Variants in TRHDE observed in about 807,000 individuals in gnomAD.
TRHDE encodes the protein thyrotropin-releasing hormone-degrading ectoenzyme.
Under a neutral mutation model 125.7 loss-of-function variants are expected in TRHDE, and 72 were observed. The ratio of observed to expected loss-of-function variants is 0.57; its 90% CI spans 0.47 to 0.70. TRHDE has a LOEUF of 0.70. Among genes scored for constraint, TRHDE ranks in the 30% least tolerant of loss-of-function variants. The probability of loss-of-function intolerance (pLI) is 0.00; values close to 1 mark genes in which losing one functional copy is unlikely to be tolerated. For synonymous variants in TRHDE, 509 were observed against 509.1 expected, an observed-to-expected ratio of 1.00 and a Z score of 0.00; for missense variants, 1,110 against 1,327.1, an observed-to-expected ratio of 0.84 and a Z score of 2.54.
chr12:72,327,250 C>T lies in TRHDE; in HGVS notation c.1188+40296C>T, dbSNP rs1869382977. The stretch of plus-strand genomic sequence containing the variant: ...TGAGAATGAAGCCCGAGTTAGGGAG[C>T]CTTTTCTTATTTTCCTTTAATTAAC... On this transcript the variant is annotated intron_variant, in intron 2 of 18. Coordinates refer to ENST00000261180, the MANE Select transcript of TRHDE (RefSeq NM_013381.3). Among the ~76,000 whole-genome samples the T allele has an allele frequency of 2.0e-5, 3 of 152,080 alleles. No homozygotes were observed. In the Middle Eastern group the frequency reaches 0.01, roughly 517 times the overall value.
intron 5 of TRHDE, among the ~76,000 whole-genome samples, chr12:72,475,653 A>G (rs1209649456): frequency 6.6e-6 from 1 of 152,202 alleles, no homozygotes; most frequent in Non-Finnish European, 1.5e-5. Flanking sequence ...GAGTGTAAAT[A>G]AGACAACTGA....
chr12:72,430,336 T>TATATAC (rs1491469084), intron 3 of TRHDE, among the ~76,000 whole-genome samples: 74 of 144,440 alleles, frequency 5.1e-4, no homozygotes, highest in East Asian at 3.0e-3. Flanking sequence ...CATATATACA[T>TATATAC]GTATATATAC....
At chr12:72,298,038 G>A (rs1308302262) in intron 2 of TRHDE, among the ~76,000 whole-genome samples, 1 of 152,138 alleles carries the variant, frequency 6.6e-6, no homozygotes, top group Non-Finnish European at 1.5e-5. Context: ...GGCTTATGGT[G>A]GATTCAGTGA....
At chr12:72,553,619 C>G (rs548291470) in intron 7 of TRHDE, among the ~76,000 whole-genome samples, 1 of 152,120 alleles carries the variant, frequency 6.6e-6, no homozygotes, top group Admixed American at 6.5e-5. Context: ...CTTGGAAGAA[C>G]TGTCCAAAAC....
intron 3 of TRHDE, among the ~76,000 whole-genome samples, chr12:72,435,800 A>C (rs1176471030): frequency 1.3e-5 from 2 of 152,066 alleles, no homozygotes; most frequent in African/African-American, 2.4e-5. Context: ...TTTTGAACTA[A>C]TGACCTGATA....
rs201570407 is a variant in TRHDE at position 72,272,893 on chromosome 12, C to T, written c.250C>T (p.Arg84Trp). 1 of 1,579,718 alleles carries T rather than the reference C, an allele frequency of 6.3e-7. No homozygotes were observed. The highest frequency in any genetic ancestry group is 8.5e-7 in the Non-Finnish European group (1 of 1,170,888). Residue 84 changes from arginine (R) to tryptophan (W), a missense_variant, in exon 1 of 19, where the codon CGG (arginine) becomes TGG (tryptophan). Around this residue, in one of 5 missense-constraint regions of TRHDE, gnomAD observed 248 missense variants for 240.8 expected, o/e 1.03. Transcript: ENST00000261180. This position sits in a 1 kb window ranked among gnomAD's most constrained non-coding sequence, Gnocchi z 6.7. ...GGAGCGCCACATCGCCGTACACAAGCGGCTTGTGCTGGCCTTCGCTGTGTC... is the reference window on the plus strand; with the variant it reads ...GGAGCGCCACATCGCCGTACACAAGTGGCTTGTGCTGGCCTTCGCTGTGTC... Reference protein sequence around the residue: ...TTERHIAVHKRLVLAFAVSLV... With the variant: ...TTERHIAVHKWLVLAFAVSLV...
At chr12:72,615,753 A>AT (rs1164118179) in intron 12 of TRHDE, among the ~76,000 whole-genome samples, 1 of 152,098 alleles carries the variant, frequency 6.6e-6, no homozygotes, top group East Asian at 1.9e-4. Context: ...ATTGACCCCA[A>AT]AACACATTTG....
At chr12:72,306,232 A>G (rs915199391) in intron 2 of TRHDE, among the ~76,000 whole-genome samples, 6 of 152,162 alleles carry the variant, frequency 3.9e-5, no homozygotes, top group African/African-American at 1.2e-4. Flanking sequence ...AACGTTTTCT[A>G]TATTTGTGTA....
At chr12:72,224,541 T>G (rs1342226976) in intron 2 of TRHDE, among the ~76,000 whole-genome samples, 1 of 152,120 alleles carries the variant, frequency 6.6e-6, no homozygotes, top group Non-Finnish European at 1.5e-5. Flanking sequence ...GGTCACATGA[T>G]TCCCCAAGGG....
At chr12:72,241,340 G>T (rs1878479382) in intron 2 of TRHDE, among the ~76,000 whole-genome samples, 2 of 152,226 alleles carry the variant, frequency 1.3e-5, no homozygotes, top group Non-Finnish European at 2.9e-5. Context: ...GGGGACTGCT[G>T]ATCTAGTTTT....
At chr12:72,535,693 A>T (rs547826472) in intron 6 of TRHDE, among the ~76,000 whole-genome samples, 3 of 152,056 alleles carry the variant, frequency 2.0e-5, no homozygotes, top group African/African-American at 7.2e-5. Context: ...TATGGAAAAA[A>T]AAAACAGCGA....
intron 5 of TRHDE, among the ~76,000 whole-genome samples, chr12:72,495,408 G>C (rs911336340): frequency 6.6e-6 from 1 of 151,988 alleles, no homozygotes; most frequent in African/African-American, 2.4e-5. Flanking sequence ...AGAATGCAGA[G>C]TGCCTTTCTT....
At chr12:72,537,640 A>G (rs1354294544) in intron 6 of TRHDE, among the ~76,000 whole-genome samples, 2 of 151,972 alleles carry the variant, frequency 1.3e-5, no homozygotes, top group Non-Finnish European at 2.9e-5. Context: ...CAACTTTTCT[A>G]CACCTTTCCA....
At chr12:72,198,180 G>T (rs1166010651) in intron 2 of TRHDE, among the ~76,000 whole-genome samples, 1 of 151,890 alleles carries the variant, frequency 6.6e-6, no homozygotes, top group Non-Finnish European at 1.5e-5. Context: ...TGTATTGTAT[G>T]AATATACCAC....
chr12:72,364,533 T>C (rs1357111735), intron 2 of TRHDE, among the ~76,000 whole-genome samples: 1 of 152,072 alleles, frequency 6.6e-6, no homozygotes, highest in Non-Finnish European at 1.5e-5. Context: ...CCTCAGCACC[T>C]AGGATAAGTC....
intron 6 of TRHDE, among the ~76,000 whole-genome samples, chr12:72,536,279 C>G (rs1302945767): frequency 2.0e-5 from 3 of 152,084 alleles, no homozygotes; most frequent in Non-Finnish European, 4.4e-5. Context: ...AAAAATGGAG[C>G]TACTAGGTTA....
rs566747412 is a variant in TRHDE at position 72,301,525 on chromosome 12, C to T, written c.1188+14571C>T. Among the ~76,000 whole-genome samples, 7 of 152,256 alleles carry T rather than the reference C, an allele frequency of 4.6e-5. No homozygotes were observed. The South Asian group carries it at 6.2e-4, about 14-fold the overall frequency. The stretch of plus-strand genomic sequence containing the variant: ...TTTAGAAGGCTATAGAGGAGTCAAG[C>T]ACAGGCTGAACAGAGACAGTTAGTG... On this transcript the variant is annotated intron_variant, in intron 2 of 18. Coordinates refer to ENST00000261180, the MANE Select transcript of TRHDE (RefSeq NM_013381.3).
In TRHDE at chr12:72,559,072, G is replaced by A. The variant is rs185292434; in HGVS notation, c.1789-3093G>A. Among the ~76,000 whole-genome samples the A allele has an allele frequency of 4.6e-5, 7 of 152,188 alleles. No individual in the cohort carries two copies. In the East Asian group the frequency reaches 7.7e-4, roughly 17 times the overall value. ...AATGAGATAAAATATAAGGCAACTC[G>A]CACAGTGTTAAAAAGGAGACAAATA... is the stretch of plus-strand genomic sequence containing the variant. On this transcript the variant is annotated intron_variant, in intron 7 of 18. Coordinates refer to ENST00000261180, the MANE Select transcript of TRHDE (RefSeq NM_013381.3).
At chr12:72,592,555 ATT>A (rs960543914) in intron 12 of TRHDE, among the ~76,000 whole-genome samples, 45 of 146,436 alleles carry the variant, frequency 3.1e-4, no homozygotes, top group African/African-American at 1.0e-3. Context: ...AGTTGTGGTG[ATT>A]TTTTTTTTCT....
Sources: allele counts gnomAD v4.1 joint callset (sites outside exome capture counted in the v4.1 genomes callset), GRCh38; gene constraint gnomAD v4.1.1; regional missense constraint gnomAD v4.1.1; non-coding constraint Gnocchi (gnomAD v3.1); transcripts MANE v1.5; gene names NCBI Gene and HGNC (gene_info 2026-07-23, HGNC 2026-07-21).